Variants in PCDH15 observed in about 807,000 individuals in gnomAD.
PCDH15 encodes the protein protocadherin-15.
PCDH15 carries 129 observed loss-of-function variants against 178.5 expected under a neutral mutation model. That is an observed-to-expected ratio of 0.72 (90% CI 0.63 to 0.84). The LOEUF (loss-of-function observed/expected upper bound fraction) is 0.84. Ranked by LOEUF, PCDH15 falls within the 40% of genes least tolerant of loss-of-function variation. The pLI, the probability that PCDH15 is intolerant of heterozygous loss-of-function variation, is 0.00. For missense variants in PCDH15, 2,230 were observed against 2,099.9 expected, an observed-to-expected ratio of 1.06 and a Z score of -1.21; for synonymous variants, 800 against 732.0, an observed-to-expected ratio of 1.09 and a Z score of -1.50.
chr10:54,752,521 C>CAAAAAAA (rs1229369057), intron 1 of PCDH15, among the ~76,000 whole-genome samples: 1 of 58,894 alleles, frequency 1.7e-5, no homozygotes, highest in African/African-American at 5.2e-5. Context: ...AACAAACAAA[C>CAAAAAAA]AAACAAACAA....
chr10:55,276,377 A>T, intron 1 of PCDH15, among the ~76,000 whole-genome samples: 1 of 151,146 alleles, frequency 6.6e-6, no homozygotes, highest in East Asian at 1.9e-4. Flanking sequence ...GGACTTTATG[A>T]ATTTATGGAA....
intron 2 of PCDH15, among the ~76,000 whole-genome samples, chr10:55,396,188 A>C (rs760813840): frequency 2.2e-4 from 34 of 152,300 alleles, no homozygotes; most frequent in Non-Finnish European, 4.4e-4. Context: ...GCATCAGTGG[A>C]ATTAAAGGCA....
At chr10:54,445,484 G>A (rs2076092015) in intron 3 of PCDH15, among the ~76,000 whole-genome samples, 1 of 151,512 alleles carries the variant, frequency 6.6e-6, no homozygotes, top group South Asian at 2.1e-4. Flanking sequence ...GTGGTTAAGA[G>A]CGTACTTTAG....
At chr10:54,974,595 T>G (rs1002918157) in intron 2 of PCDH15, among the ~76,000 whole-genome samples, 28 of 152,034 alleles carry the variant, frequency 1.8e-4, no homozygotes, top group African/African-American at 6.8e-4. Flanking sequence ...CTTTTTACTT[T>G]CTTAACATTG....
chr10:55,563,448 A>C (rs1842240048), intron 2 of PCDH15, among the ~76,000 whole-genome samples: 1 of 151,930 alleles, frequency 6.6e-6, no homozygotes. Context: ...GCCGATCTTC[A>C]GCACAGACAC....
Position 54,325,997 on chromosome 10 carries a change from T to C in PCDH15, c.705+3599A>G, listed in dbSNP as rs145223749. On this transcript the variant is annotated intron_variant, in intron 7 of 37. Transcript: ENST00000644397. ...TAGATATATGGATATCATTATCATA[T>C]ACAAACAAAGATATGTTAGACTTAT... 6.5e-3 allele frequency among the ~76,000 whole-genome samples: 997 copies of C among 152,274 alleles called. 14 individuals carry two copies. The highest frequency in any genetic ancestry group is 0.023 in the African/African-American group (966 of 41,570).
chr10:54,115,880 T>G (rs1260133993), intron 15 of PCDH15, among the ~76,000 whole-genome samples: 7 of 152,204 alleles, frequency 4.6e-5, no homozygotes, highest in Non-Finnish European at 1.0e-4. Flanking sequence ...TCTATAGTTT[T>G]GAGACAGAGA....
chr10:54,524,546 A>G (rs1353602518), intron 3 of PCDH15, among the ~76,000 whole-genome samples: 1 of 152,212 alleles, frequency 6.6e-6, no homozygotes, highest in East Asian at 1.9e-4. Context: ...AAGTAGTCCC[A>G]GAGTAACTGT....
At chr10:53,930,812 TCCCATC>T in intron 25 of PCDH15, among the ~76,000 whole-genome samples, 1 of 152,162 alleles carries the variant, frequency 6.6e-6, no homozygotes. Flanking sequence ...GAAACTGAAC[TCCCATC>T]TCCTCAGCTT....
intron 2 of PCDH15, among the ~76,000 whole-genome samples, chr10:55,478,877 C>A (rs558464113): frequency 6.7e-6 from 1 of 149,190 alleles, no homozygotes; most frequent in South Asian, 2.1e-4. Context: ...AATTGGAAAA[C>A]CTAGGGGATA....
Position 54,324,052 on chromosome 10 carries a change from TC to T in PCDH15, c.705+5543del, listed in dbSNP as rs1269218057. 3.9e-5 allele frequency among the ~76,000 whole-genome samples: 6 copies of T among 152,198 alleles called. No individual in the cohort carries two copies. In the East Asian group the frequency reaches 1.2e-3, roughly 29 times the overall value. The stretch of plus-strand genomic sequence containing the variant: ...TCCCATAAACCATCACCTGCTATCC[TC>T]CCATTTCACTCTCACTCCTCAGAAA... On this transcript the variant is annotated intron_variant, in intron 7 of 37. Coordinates refer to ENST00000644397, the MANE Select transcript of PCDH15 (RefSeq NM_001384140.1).
intron 1 of PCDH15, among the ~76,000 whole-genome samples, chr10:55,291,578 C>T (rs1343095873): frequency 6.6e-6 from 1 of 152,078 alleles, no homozygotes; most frequent in Non-Finnish European, 1.5e-5. Flanking sequence ...TGACCAATAG[C>T]AGATGTCTTT....
intron 3 of PCDH15, among the ~76,000 whole-genome samples, chr10:54,399,750 C>T (rs1328167100): frequency 6.6e-6 from 1 of 152,050 alleles, no homozygotes; most frequent in Non-Finnish European, 1.5e-5. Context: ...CAGTAAGACG[C>T]TGGGCTGTGC....
Position 55,238,928 on chromosome 10 carries a change from G to A in PCDH15, c.-155-72277C>T, listed in dbSNP as rs80075140. Reference sequence around the variant, plus strand: ...TTTTAGTTATTTTAAAATATACAATGAATATTGTTAACTATTTTATTCATT... The same window carrying A: ...TTTTAGTTATTTTAAAATATACAATAAATATTGTTAACTATTTTATTCATT... On this transcript the variant is annotated intron_variant, in intron 1 of 5. Coordinates refer to the PCDH15 transcript ENST00000458638. Among the ~76,000 whole-genome samples the A allele has an allele frequency of 1.0e-2, 1,519 of 152,106 alleles. 30 individuals are homozygous for A. Among genetic ancestry groups the A allele is most frequent in the African/African-American group, 0.034 (1,428 of 41,502 alleles).
chr10:53,885,359 T>C lies in PCDH15; in HGVS notation c.3501+17884A>G, dbSNP rs537539615. On this transcript the variant is annotated intron_variant, in intron 26 of 37. Coordinates refer to ENST00000644397, the MANE Select transcript of PCDH15 (RefSeq NM_001384140.1). Reference sequence around the variant, plus strand: ...TATAATTTCACTCCATTTTATGATATACTGTGGTATAAGGACCAAAAAACC... The same window carrying C: ...TATAATTTCACTCCATTTTATGATACACTGTGGTATAAGGACCAAAAAACC... Among the ~76,000 whole-genome samples, 403 of 152,194 alleles carry C rather than the reference T, an allele frequency of 2.6e-3. 1 individual carries two copies. The highest frequency in any genetic ancestry group is 4.6e-3 in the Non-Finnish European group (311 of 67,980).
intron 34 of PCDH15, among the ~76,000 whole-genome samples, chr10:53,817,167 TTA>T (rs2076088440): frequency 2.3e-5 from 2 of 88,606 alleles, no homozygotes; most frequent in African/African-American, 9.5e-5. Context: ...TGTTGGTGAG[TTA>T]GTTATTTTAC....
At chr10:53,917,063 A>G (rs1346982408) in intron 25 of PCDH15, among the ~76,000 whole-genome samples, 2 of 152,162 alleles carry the variant, frequency 1.3e-5, no homozygotes, top group African/African-American at 2.4e-5. Context: ...TGGAAAATAC[A>G]TATTTTTAGT....
intron 25 of PCDH15, among the ~76,000 whole-genome samples, chr10:53,924,395 A>T (rs886913469): frequency 3.3e-5 from 5 of 152,004 alleles, no homozygotes; most frequent in African/African-American, 1.2e-4. Context: ...TCAAATTCTC[A>T]CTGGGCCTCA....
intron 20 of PCDH15, among the ~76,000 whole-genome samples, 153 bp from the exon 21 acceptor site, chr10:53,995,918 C>G (rs146488145): frequency 6.6e-6 from 1 of 152,062 alleles, no homozygotes; most frequent in African/African-American, 2.4e-5. Context: ...CAGACTGGCA[C>G]CTCAGAGGAA....
Sources: allele counts gnomAD v4.1 joint callset (sites outside exome capture counted in the v4.1 genomes callset), GRCh38; gene constraint gnomAD v4.1.1; transcripts MANE v1.5; gene names NCBI Gene and HGNC (gene_info 2026-07-23, HGNC 2026-07-21).